Variants in CUX2 observed in about 807,000 individuals in gnomAD.
CUX2 encodes the protein cut like homeobox 2, also known as homeobox protein cut-like 2.
A neutral mutation model predicts 144.8 loss-of-function variants in CUX2; 40 were observed. That is an observed-to-expected ratio of 0.28 (90% CI 0.21 to 0.36). The LOEUF is 0.36. Ranked by LOEUF, CUX2 falls within the 10% of genes least tolerant of loss-of-function variation. The pLI is 1.00. For synonymous variants in CUX2, 827 were observed against 875.6 expected, an observed-to-expected ratio of 0.94 and a Z score of 0.98; for missense variants, 1,615 against 1,994.0, an observed-to-expected ratio of 0.81 and a Z score of 3.62.
intron 1 of CUX2, among the ~76,000 whole-genome samples, chr12:111,064,014 T>A (rs1331447133): frequency 6.6e-6 from 1 of 152,220 alleles, no homozygotes; most frequent in Non-Finnish European, 1.5e-5. Context: ...ATTTGCTTCC[T>A]GTCTGGCTGG....
intron 21 of CUX2, among the ~76,000 whole-genome samples, chr12:111,346,528 A>G (rs986513716): frequency 6.6e-6 from 1 of 152,022 alleles, no homozygotes; most frequent in African/African-American, 2.4e-5. Context: ...CCTAGTGCCC[A>G]ACACATGATA....
At chr12:111,052,120 A>G (rs1327918619) in intron 1 of CUX2, among the ~76,000 whole-genome samples, 3 of 151,842 alleles carry the variant, frequency 2.0e-5, no homozygotes, top group African/African-American at 4.8e-5. Flanking sequence ...CATAGCCCCC[A>G]TGGGTGACCT....
chr12:111,244,935 CCT>C (rs1883206240), intron 3 of CUX2, among the ~76,000 whole-genome samples: 1 of 152,166 alleles, frequency 6.6e-6, no homozygotes, highest in Non-Finnish European at 1.5e-5. Flanking sequence ...CAAATACATG[CCT>C]CTCCCTCATT....
In CUX2 at chr12:111,263,923, G is replaced by A. The variant is rs537136163; in HGVS notation, c.301+84G>A. On this transcript the variant is annotated intron_variant, in intron 4 of 21. Coordinates refer to ENST00000261726, the MANE Select transcript of CUX2 (RefSeq NM_015267.4). This position sits in a 1 kb window ranked among gnomAD's most constrained non-coding sequence, Gnocchi z 4.0. ...CTGTGACACAGGGACTTTGAGGTGG[G>A]ATGTGGGGACATGCCTGGGCTCCTG... The A allele has an allele frequency of 5.6e-5, 73 of 1,313,178 alleles. No individual in the cohort carries two copies. In the African/African-American group the frequency reaches 1.0e-3, roughly 19 times the overall value. The allele number at this position is 1,313,178 out of a possible 1,614,324, so 81.3% of individuals were successfully genotyped here.
intron 3 of CUX2, among the ~76,000 whole-genome samples, chr12:111,251,469 A>G (rs904191358): frequency 1.3e-5 from 2 of 152,122 alleles, no homozygotes; most frequent in African/African-American, 4.8e-5. Context: ...TGATGATTAC[A>G]CTGTTGCTAA....
At chr12:111,279,080 A>G (rs553737211) in intron 4 of CUX2, among the ~76,000 whole-genome samples, 17 of 152,320 alleles carry the variant, frequency 1.1e-4, no homozygotes, top group African/African-American at 4.1e-4. Flanking sequence ...GAAAATACCC[A>G]GGGAAGTAAA....
intron 3 of CUX2, among the ~76,000 whole-genome samples, chr12:111,257,745 TCTC>T (rs1370039168): frequency 2.9e-5 from 4 of 138,326 alleles, no homozygotes; most frequent in Non-Finnish European, 4.8e-5. Flanking sequence ...TCCTCTTTCT[TCTC>T]CTCTTCCTCC....
intron 1 of CUX2, among the ~76,000 whole-genome samples, chr12:111,156,985 CAAA>C (rs1200398908): frequency 3.2e-4 from 6 of 18,996 alleles, no homozygotes; most frequent in African/African-American, 1.1e-3. Flanking sequence ...AAACTTCTCT[CAAA>C]AAAAAAAAAA....
chr12:111,305,848 T>C (rs1024855438), intron 10 of CUX2, among the ~76,000 whole-genome samples: 1 of 152,146 alleles, frequency 6.6e-6, no homozygotes, highest in African/African-American at 2.4e-5. Flanking sequence ...TGTGATGATG[T>C]GTCCTTGTGA....
intron 10 of CUX2, 84 bp from the exon 11 acceptor site, chr12:111,306,837 G>A: frequency 1.7e-5 from 20 of 1,162,712 alleles, no homozygotes; most frequent in Non-Finnish European, 2.4e-5. Context: ...TTTGCATTCT[G>A]CTTGGGATTC....
intron 1 of CUX2, among the ~76,000 whole-genome samples, chr12:111,121,479 C>T (rs1329886081): frequency 2.8e-5 from 4 of 141,570 alleles, no homozygotes; most frequent in Admixed American, 7.8e-5. Flanking sequence ...TGGGTTCATG[C>T]GATTCTCATG....
chr12:111,320,303 C>T lies in CUX2; in HGVS notation c.2294C>T (p.Ala765Val). Residue 765 changes from alanine to valine, a missense_variant, in exon 17 of 22, where the codon GCC becomes GTC. Around this residue, in one of 12 missense-constraint regions of CUX2, gnomAD observed 390 missense variants for 387.1 expected, o/e 1.01. Coordinates refer to ENST00000261726, the MANE Select transcript of CUX2 (RefSeq NM_015267.4). This position sits in a 1 kb window ranked among gnomAD's most constrained non-coding sequence, Gnocchi z 8.1. ...GCGCCGCTCCCGGTCCTGTCCCCCG[C>T]CGCCTTCGTGCAGAGCATCATCCGC... ...AQAPLPVLSP[A>V]AFVQSIIRKV... 1.3e-6 allele frequency: 2 copies of T among 1,597,616 alleles called. No homozygotes were observed. Among genetic ancestry groups the T allele is most frequent in the Non-Finnish European group, 1.7e-6 (2 of 1,178,952 alleles).
At chr12:111,136,154 G>A (rs1875872809) in intron 1 of CUX2, among the ~76,000 whole-genome samples, 1 of 151,970 alleles carries the variant, frequency 6.6e-6, no homozygotes, top group African/African-American at 2.4e-5. Context: ...TTGGAGCCGG[G>A]ACCCCATGAG....
At chr12:111,262,434 A>T (rs973695245) in intron 3 of CUX2, among the ~76,000 whole-genome samples, 6 of 148,132 alleles carry the variant, frequency 4.1e-5, no homozygotes, top group Non-Finnish European at 8.9e-5. Context: ...GCTGAAGTGC[A>T]GTGGTGCAAT....
intron 1 of CUX2, among the ~76,000 whole-genome samples, chr12:111,069,554 G>A (rs1051201404): frequency 5.3e-5 from 8 of 151,298 alleles, no homozygotes; most frequent in Non-Finnish European, 1.0e-4. Context: ...GTGTGTGTGC[G>A]CGCGCGTGTG....
intron 2 of CUX2, 65 bp downstream of exon 2, chr12:111,214,375 A>G: frequency 1.0e-6 from 1 of 984,444 alleles, no homozygotes. Flanking sequence ...CATTCAAACT[A>G]TATTTTGAAA....
chr12:111,222,559 T>G (rs1274597365), intron 3 of CUX2, among the ~76,000 whole-genome samples: 1 of 152,234 alleles, frequency 6.6e-6, no homozygotes, highest in Admixed American at 6.5e-5. Context: ...TGGGCTGACC[T>G]GGCCTCTGAC....
At chr12:111,147,763 T>C (rs1188931032) in intron 1 of CUX2, among the ~76,000 whole-genome samples, 1 of 152,164 alleles carries the variant, frequency 6.6e-6, no homozygotes, top group South Asian at 2.1e-4. Flanking sequence ...GGAGCAGATC[T>C]CTATGATGCC....
At chr12:111,301,486 ATC>A in intron 9 of CUX2, among the ~76,000 whole-genome samples, 1 of 151,998 alleles carries the variant, frequency 6.6e-6, no homozygotes, top group African/African-American at 2.4e-5. Context: ...ATGTAGACAC[ATC>A]TCTGGAGGGG....
Sources: gnomAD v4.1 joint callset for allele counts (sites outside exome capture counted in the v4.1 genomes callset) on GRCh38, gnomAD v4.1.1 for gene constraint, gnomAD v4.1.1 regional missense constraint, Gnocchi (gnomAD v3.1) non-coding constraint, MANE v1.5 for transcripts, NCBI Gene and HGNC (gene_info 2026-07-23, HGNC 2026-07-21) for gene names.